Variants in BCR observed in about 807,000 individuals in gnomAD.
BCR encodes BCR activator of RhoGEF and GTPase.
A neutral mutation model predicts 138.6 loss-of-function variants in BCR; 58 were observed. The ratio of observed to expected loss-of-function variants is 0.42; its 90% CI spans 0.34 to 0.52. BCR has a LOEUF of 0.52. Ranked by LOEUF, BCR falls within the 20% of genes least tolerant of loss-of-function variation. The pLI, the probability that BCR is intolerant of heterozygous loss-of-function variation, is 0.06. For missense variants in BCR, 1,599 were observed against 1,727.2 expected (o/e 0.93, Z 1.32); for synonymous variants, 786 against 730.1 (o/e 1.08, Z -1.23).
Position 23,289,602 on chromosome 22 carries a change from G to A in BCR, c.2688G>A (p.Pro896=), listed in dbSNP as rs56090728. 1.4e-5 allele frequency: 23 copies of A among 1,611,964 alleles called. No individual in the cohort carries two copies. The highest frequency in any genetic ancestry group is 3.3e-5 in the South Asian group (3 of 91,022). ...CVKLQTVHSI[P]LTINKEDDES... Reference sequence around the variant, plus strand: ...AACTCCAGACTGTCCACAGCATTCCGCTGACCATCAATAAGGAAGGTGGGC... The same window carrying A: ...AACTCCAGACTGTCCACAGCATTCCACTGACCATCAATAAGGAAGGTGGGC... The change falls in exon 13 of 23, where the codon CCG becomes CCA. Residue 896 remains proline, a synonymous_variant. Transcript: ENST00000305877.
chr22:23,201,358 T>C (rs957938044), intron 1 of BCR, among the ~76,000 whole-genome samples: 2 of 152,240 alleles, frequency 1.3e-5, no homozygotes, highest in South Asian at 4.1e-4. Context: ...AGTCCCCATT[T>C]CCTTGCTGGC....
rs757645987 is a variant in BCR, at chr22:23,314,044, C to T, written c.3534C>T (p.Thr1178=). The change falls in exon 21 of 23, where the codon ACC becomes ACT. Residue 1178 remains threonine (T), a synonymous_variant. Transcript: ENST00000305877. ...LLSLPEANLL[T]FLFLLDHLKR... is the part of the protein sequence containing the mutation. Reference sequence around the variant, plus strand: ...CCCTGCCGGAGGCCAACCTGCTCACCTTCCTTTTCCTTCTGGACCACCTGA... The same window carrying T: ...CCCTGCCGGAGGCCAACCTGCTCACTTTCCTTTTCCTTCTGGACCACCTGA... 3.7e-6 allele frequency: 6 copies of T among 1,613,622 alleles called. No individual in the cohort carries two copies. In the South Asian group the frequency reaches 5.5e-5, roughly 15 times the overall value.
intron 1 of BCR, among the ~76,000 whole-genome samples, chr22:23,199,912 G>A (rs73152631): frequency 0.24 from 37,112 of 151,608 alleles, 4,799 homozygotes; most frequent in East Asian, 0.35. Flanking sequence ...GTGAAACCCC[G>A]TCTCTACTAA....
chr22:23,254,227 G>T (rs1204719763), intron 2 of BCR, among the ~76,000 whole-genome samples: 2 of 152,112 alleles, frequency 1.3e-5, no homozygotes, highest in Non-Finnish European at 2.9e-5. Context: ...GTGGTCTTGA[G>T]GCTGAGAATG....
chr22:23,297,209 T>TTTG (rs1568979539), intron 16 of BCR, among the ~76,000 whole-genome samples: 4 of 110,878 alleles, frequency 3.6e-5, no homozygotes, highest in African/African-American at 1.7e-4. Context: ...GCTAAGTTGT[T>TTTG]TTTTGTTTTT....
Position 23,238,442 on chromosome 22 carries a change from C to A in BCR, c.1280-15357C>A, listed in dbSNP as rs114053696. The stretch of plus-strand genomic sequence containing the variant: ...TTAAATTCTGGTGGAGAATACAAAA[C>A]GTCACTCCCCTGCCCCAGCTCACCC... On this transcript the variant is annotated intron_variant, in intron 1 of 22. Transcript: ENST00000305877. 3.6e-3 allele frequency among the ~76,000 whole-genome samples: 553 copies of A among 152,178 alleles called. 9 individuals are homozygous for A. The highest frequency in any genetic ancestry group is 0.013 in the African/African-American group (521 of 41,510).
At chr22:23,258,157 T>C (rs1023437813) in intron 2 of BCR, among the ~76,000 whole-genome samples, 1 of 152,104 alleles carries the variant, frequency 6.6e-6, no homozygotes, top group Non-Finnish European at 1.5e-5. Context: ...TAAATGCATA[T>C]ATATACACAC....
intron 17 of BCR, 36 bp from the exon 18 acceptor site, chr22:23,310,288 A>G: frequency 9.3e-7 from 1 of 1,078,166 alleles, no homozygotes; most frequent in Non-Finnish European, 1.4e-6. Flanking sequence ...GAGGACCAGA[A>G]GGATTAGAGG....
Position 23,181,291 on chromosome 22 carries a change from G to T in BCR, c.331G>T (p.Glu111Ter). The change falls in exon 1 of 23, where the codon GAG (glutamate) becomes TAG (stop). Residue 111 changes from glutamate (E) to a stop codon, truncating the protein, a stop_gained. Coordinates refer to ENST00000305877, the MANE Select transcript of BCR (RefSeq NM_004327.4). LOFTEE classifies it high-confidence loss of function. ...CGACGGAGCCGACCCGCCGCCCGCC[G>T]AGGAGCCCGAGGCCCGGCCCGACGG... Reference protein sequence around the residue: ...PADGADPPPAEEPEARPDGEG... With the variant: ...PADGADPPPA 7.6e-7 allele frequency: 1 copy of T among 1,310,064 alleles called. No homozygotes were observed. 81.2% of individuals were successfully genotyped at this position (1,310,064 alleles called of 1,614,324 possible). A position where few individuals can be genotyped will look rare whatever the true frequency, so the allele number is the denominator to read the frequency against.
intron 16 of BCR, among the ~76,000 whole-genome samples, chr22:23,299,058 A>T (rs995044901): frequency 2.6e-5 from 4 of 152,106 alleles, no homozygotes; most frequent in Non-Finnish European, 5.9e-5. Flanking sequence ...GTGCAGTGGC[A>T]TGATCTCGGC....
rs1377292977 is a variant in BCR at position 23,284,074 on chromosome 22, C to T, written c.2213C>T (p.Thr738Ile). ...VFLFTDLLLC[T>I]KLKKQSGGKT... ...CTGTTCACCGACCTGCTTCTCTGCA[C>T]CAAGCTCAAGAAGCAGAGCGGAGGG... is the stretch of plus-strand genomic sequence containing the variant. The change falls in exon 9 of 23, where the codon ACC (threonine) becomes ATC (isoleucine). Residue 738 changes from threonine to isoleucine, a missense_variant. This residue lies in a region of BCR where 590 missense variants were observed against 762.4 expected (regional missense o/e 0.77). Coordinates refer to ENST00000305877, the MANE Select transcript of BCR (RefSeq NM_004327.4). 24 of 1,611,980 alleles carry T rather than the reference C, an allele frequency of 1.5e-5. No individual in the cohort carries two copies. Among genetic ancestry groups the T allele is most frequent in the African/African-American group, 4.0e-5 (3 of 74,892 alleles).
chr22:23,233,804 G>A lies in BCR; in HGVS notation c.1280-19995G>A, dbSNP rs867652346. On this transcript the variant is annotated intron_variant, in intron 1 of 22. Transcript: ENST00000305877. ...GACCCTGTCTCAAAAAAAAAAAAAAGAAAAAAAAGAAAAAAAAAAAGAAGA... is the reference window on the plus strand; with the variant it reads ...GACCCTGTCTCAAAAAAAAAAAAAAAAAAAAAAAGAAAAAAAAAAAGAAGA... 3.6e-3 allele frequency among the ~76,000 whole-genome samples: 313 copies of A among 87,816 alleles called. 1 individual carries two copies. The highest frequency in any genetic ancestry group is 5.3e-3 in the Middle Eastern group (1 of 190). 57.6% of individuals were successfully genotyped at this position (87,816 alleles called of 152,430 possible).
Position 23,181,194 on chromosome 22 carries a change from G to A in BCR, c.234G>A (p.Arg78=), listed in dbSNP as rs767600557. The change falls in exon 1 of 23, where the codon CGG becomes CGA. Residue 78 remains arginine (R), a synonymous_variant. Transcript: ENST00000305877. ...KSYDRQRWGF[R]RAAQAPDGAS... is the part of the protein sequence containing the mutation. The stretch of plus-strand genomic sequence containing the variant: ...ATGACCGGCAGCGATGGGGCTTCCG[G>A]CGCGCGGCGCAGGCCCCCGACGGCG... 5.3e-6 allele frequency: 7 copies of A among 1,322,992 alleles called. No homozygotes were observed. The highest frequency in any genetic ancestry group is 6.9e-6 in the Non-Finnish European group (7 of 1,014,778). The allele number at this position is 1,322,992 out of a possible 1,614,324, so 82.0% of individuals were successfully genotyped here.
At chr22:23,272,751 G>T (rs1344448943) in intron 6 of BCR, among the ~76,000 whole-genome samples, 1 of 152,090 alleles carries the variant, frequency 6.6e-6, no homozygotes, top group Non-Finnish European at 1.5e-5. Context: ...TCCAGAATTG[G>T]GGCCCACCCC....
intron 16 of BCR, among the ~76,000 whole-genome samples, chr22:23,295,812 C>A (rs2073839179): frequency 6.6e-6 from 1 of 152,168 alleles, no homozygotes; most frequent in Admixed American, 6.5e-5. Context: ...CCTGGAGGAT[C>A]ATAGCTGGCG....
chr22:23,280,426 G>C (rs1051006548), intron 8 of BCR, among the ~76,000 whole-genome samples: 2 of 152,188 alleles, frequency 1.3e-5, no homozygotes, highest in African/African-American at 4.8e-5. Context: ...TGCCTGCCTT[G>C]TAGAGTCCTG....
At chr22:23,283,120 C>G (rs986447573) in intron 8 of BCR, 2 of 152,288 alleles carry the variant, frequency 1.3e-5, no homozygotes, top group Non-Finnish European at 2.9e-5. Context: ...GGCACAGCGC[C>G]CAACCCTGTG....
At chr22:23,283,344 G>C (rs910252955) in intron 8 of BCR, 1 of 152,290 alleles carries the variant, frequency 6.6e-6, no homozygotes. Context: ...TCCACATGTG[G>C]GACCCTCAGT....
chr22:23,187,883 C>T (rs951525303), intron 1 of BCR, among the ~76,000 whole-genome samples: 6 of 152,172 alleles, frequency 3.9e-5, no homozygotes, highest in Non-Finnish European at 7.3e-5. Flanking sequence ...TCTTGTGTTT[C>T]TTCATGGACT....
Sources: gnomAD v4.1 joint callset for allele counts (sites outside exome capture counted in the v4.1 genomes callset) on GRCh38, gnomAD v4.1.1 for gene constraint, gnomAD v4.1.1 regional missense constraint, MANE v1.5 for transcripts, NCBI Gene and HGNC (gene_info 2026-07-23, HGNC 2026-07-21) for gene names.